The following TMEM131 variants were observed in gnomAD, a reference collection of about 807,000 sequenced individuals.
TMEM131 encodes the protein 2610524E03Rik.
A neutral mutation model predicts 211.6 loss-of-function variants in TMEM131; 66 were observed. The ratio of observed to expected loss-of-function variants is 0.31; its 90% CI spans 0.26 to 0.38. The LOEUF is 0.38. Among genes scored for constraint, TMEM131 ranks in the 10% least tolerant of loss-of-function variants. The probability of loss-of-function intolerance (pLI) is 1.00; values close to 1 mark genes in which losing one functional copy is unlikely to be tolerated. For missense variants in TMEM131, 2,036 were observed against 2,299.3 expected (o/e 0.89, Z 2.34); for synonymous variants, 844 against 841.3 (o/e 1.00, Z -0.06).
intron 1 of TMEM131, among the ~76,000 whole-genome samples, chr2:97,943,814 T>C (rs1468076437): frequency 1.3e-5 from 2 of 152,204 alleles, no homozygotes; most frequent in Non-Finnish European, 2.9e-5. Flanking sequence ...TTGGGCACAG[T>C]GGCTCACGTC....
In TMEM131 at chr2:97,768,075, G is replaced by A. The variant is rs533788180; in HGVS notation, c.4449-1473C>T. Among the ~76,000 whole-genome samples the A allele has an allele frequency of 9.9e-5, 15 of 152,162 alleles. No individual in the cohort carries two copies. The South Asian group carries it at 2.9e-3, about 29-fold the overall frequency. On this transcript the variant is annotated intron_variant, in intron 33 of 40. Coordinates refer to ENST00000186436, the MANE Select transcript of TMEM131 (RefSeq NM_015348.2). ...GTAGGGTCAAAGGACATTTTCTTTTGTTTCGTTGTATTTCACAAGTAGGTA... is the reference window on the plus strand; with the variant it reads ...GTAGGGTCAAAGGACATTTTCTTTTATTTCGTTGTATTTCACAAGTAGGTA...
chr2:97,989,277 CAAAAA>C (rs768850056), intron 1 of TMEM131, among the ~76,000 whole-genome samples: 1 of 103,846 alleles, frequency 9.6e-6, no homozygotes, highest in Non-Finnish European at 2.1e-5. Flanking sequence ...AAAAACAAAA[CAAAAA>C]AAAAAAAAAG....
intron 1 of TMEM131, 37 bp downstream of exon 1, chr2:97,995,439 C>G (rs867215657): frequency 7.5e-7 from 1 of 1,329,734 alleles, no homozygotes; most frequent in Non-Finnish European, 9.6e-7. Flanking sequence ...AGCGGGGTGA[C>G]AGCCCCGCCG....
chr2:97,815,948 C>A (rs1270914035), intron 12 of TMEM131, among the ~76,000 whole-genome samples: 1 of 152,112 alleles, frequency 6.6e-6, no homozygotes, highest in Non-Finnish European at 1.5e-5. Flanking sequence ...CCAGCCAACC[C>A]TAAAACTCAT....
chr2:97,872,966 T>A (rs555974553), intron 4 of TMEM131, among the ~76,000 whole-genome samples: 1 of 152,144 alleles, frequency 6.6e-6, no homozygotes, highest in African/African-American at 2.4e-5. Flanking sequence ...CCCACCCCCA[T>A]GGAGCCCAGC....
At chr2:97,871,328 T>G (rs1674481212) in intron 4 of TMEM131, among the ~76,000 whole-genome samples, 1 of 152,220 alleles carries the variant, frequency 6.6e-6, no homozygotes, top group African/African-American at 2.4e-5. Context: ...CAAAGCTAAC[T>G]TTGGGAGGAA....
intron 31 of TMEM131, among the ~76,000 whole-genome samples, chr2:97,776,776 G>A (rs1679755490): frequency 6.6e-6 from 1 of 152,212 alleles, no homozygotes; most frequent in African/African-American, 2.4e-5. Flanking sequence ...GGCGCTAAGA[G>A]TCCCAGCAGT....
chr2:97,795,003 C>T lies in TMEM131; in HGVS notation c.3313G>A (p.Ala1105Thr). The T allele has an allele frequency of 6.2e-7, 1 of 1,613,576 alleles. No individual in the cohort carries two copies. The highest frequency in any genetic ancestry group is 8.5e-7 in the Non-Finnish European group (1 of 1,179,672). ...CTGGGTAGGGCTTCTGCACAGGTTG[C>T]TAACATATGGTAAGGAAGGGATGCA... The part of the protein sequence containing the change: ...LNASLPYHML[A>T]TCAEALPRPN... The change falls in exon 29 of 41, where the codon GCA becomes ACA. Residue 1105 changes from alanine (A) to threonine (T), a missense_variant. Physicochemically the swap from Ala to Thr is moderately conservative, Grantham distance 58. This residue lies in a region of TMEM131 where 1,623 missense variants were observed against 1,805.9 expected (regional missense o/e 0.90). Coordinates refer to ENST00000186436, the MANE Select transcript of TMEM131 (RefSeq NM_015348.2).
intron 3 of TMEM131, among the ~76,000 whole-genome samples, chr2:97,908,081 G>A (rs2104366707): frequency 6.6e-6 from 1 of 152,316 alleles, no homozygotes; most frequent in South Asian, 2.1e-4. Flanking sequence ...AATCAGCACA[G>A]TATGTCTCTT....
At chr2:97,895,827 CATTG>C (rs779654718) in intron 3 of TMEM131, among the ~76,000 whole-genome samples, 2 of 152,080 alleles carry the variant, frequency 1.3e-5, no homozygotes, top group South Asian at 4.1e-4. Context: ...CTCCTGGATT[CATTG>C]ATTTTTTGAA....
intron 5 of TMEM131, among the ~76,000 whole-genome samples, chr2:97,845,411 C>A (rs1391370683): frequency 6.6e-6 from 1 of 151,932 alleles, no homozygotes; most frequent in Admixed American, 6.6e-5. Context: ...CACACCTGAG[C>A]CAGAAATTAG....
chr2:97,873,396 T>G (rs1442172851), intron 4 of TMEM131, among the ~76,000 whole-genome samples: 1 of 151,982 alleles, frequency 6.6e-6, no homozygotes, highest in African/African-American at 2.4e-5. Flanking sequence ...GTTCGAGCTC[T>G]GCTGAAGGTC....
intron 25 of TMEM131, among the ~76,000 whole-genome samples, chr2:97,801,033 A>G (rs1173327262): frequency 1.3e-5 from 2 of 152,246 alleles, no homozygotes; most frequent in African/African-American, 4.8e-5. Flanking sequence ...AACTATTCTA[A>G]TAAGGATTGG....
Position 97,760,879 on chromosome 2 carries a change from T to C in TMEM131, c.4925A>G (p.His1642Arg), listed in dbSNP as rs1176066469. 5.6e-6 allele frequency: 9 copies of C among 1,613,906 alleles called. No homozygotes were observed. Among genetic ancestry groups the C allele is most frequent in the Middle Eastern group, 1.6e-4 (1 of 6,084 alleles). Residue 1642 changes from histidine (H) to arginine (R), a missense_variant, in exon 37 of 41, where the codon CAC becomes CGC. Coordinates refer to ENST00000186436, the MANE Select transcript of TMEM131 (RefSeq NM_015348.2). ...GAGCGAGGCTGCCTTTGTCAACTTG[T>C]GTTTGCTTCCATTTGGCTGTTTTAT... The part of the protein sequence containing the change: ...PKIKQPNGSK[H>R]KLTKAASLPG...
intron 12 of TMEM131, among the ~76,000 whole-genome samples, chr2:97,817,441 AGCC>A (rs1681883143): frequency 6.6e-6 from 1 of 152,170 alleles, no homozygotes; most frequent in African/African-American, 2.4e-5. Context: ...TACAAAAATT[AGCC>A]GCCTCCTCCT....
chr2:97,788,035 G>A (rs1200554372), intron 31 of TMEM131, among the ~76,000 whole-genome samples: 1 of 152,080 alleles, frequency 6.6e-6, no homozygotes, highest in Non-Finnish European at 1.5e-5. Flanking sequence ...TCCCCAAGTT[G>A]CTAATTCGAC....
In TMEM131 at chr2:97,990,323, A is replaced by G. The variant is rs1366446642; in HGVS notation, c.187+5153T>C. The stretch of plus-strand genomic sequence containing the variant: ...GAAAGCTTGTGGCTGATTGAAAAAA[A>G]AAAAAAGTACATTTTACTTGAATAC... On this transcript the variant is annotated intron_variant, in intron 1 of 40. Coordinates refer to ENST00000186436, the MANE Select transcript of TMEM131 (RefSeq NM_015348.2). Among the ~76,000 whole-genome samples the G allele has an allele frequency of 2.6e-5, 4 of 152,218 alleles. 1 individual carries two copies. Among genetic ancestry groups the G allele is most frequent in the Non-Finnish European group, 5.9e-5 (4 of 68,044 alleles).
chr2:97,910,673 T>A (rs1676256183), intron 2 of TMEM131, among the ~76,000 whole-genome samples: 3 of 152,210 alleles, frequency 2.0e-5, no homozygotes, highest in African/African-American at 7.2e-5. Flanking sequence ...CGGTGTGAGA[T>A]GGTATCTCAT....
chr2:97,900,289 C>A (rs183340556), intron 3 of TMEM131, among the ~76,000 whole-genome samples: 1 of 152,182 alleles, frequency 6.6e-6, no homozygotes, highest in African/African-American at 2.4e-5. Flanking sequence ...GCTGAACTTA[C>A]ACCTTCTAAC....
Sources: gnomAD v4.1 joint callset for allele counts (sites outside exome capture counted in the v4.1 genomes callset) on GRCh38, gnomAD v4.1.1 for gene constraint, gnomAD v4.1.1 regional missense constraint, MANE v1.5 for transcripts, NCBI Gene and HGNC (gene_info 2026-07-23, HGNC 2026-07-21) for gene names.